NRXN1: variants seen among roughly 807,000 people sequenced by gnomAD.
NRXN1 encodes the protein neurexin 1, also known as neurexin-1.
A neutral mutation model predicts 150.9 loss-of-function variants in NRXN1; 39 were observed. The ratio of observed to expected loss-of-function variants is 0.26; its 90% CI spans 0.20 to 0.34. The LOEUF is 0.34. Among genes scored for constraint, NRXN1 ranks in the 10% least tolerant of loss-of-function variants. The pLI, the probability that NRXN1 is intolerant of heterozygous loss-of-function variation, is 1.00. For synonymous variants in NRXN1, 924 were observed against 757.0 expected, an observed-to-expected ratio of 1.22 and a Z score of -3.62; for missense variants, 1,815 against 1,949.9, an observed-to-expected ratio of 0.93 and a Z score of 1.30.
At chr2:50,921,909 A>C in intron 4 of NRXN1, 29 bp from the exon 5 acceptor site, 1 of 1,379,688 alleles carries the variant, frequency 7.2e-7, no homozygotes, top group Non-Finnish European at 9.7e-7. Context: ...GGGTCCATGA[A>C]GAAAGGGTTT....
chr2:50,358,897 C>T (rs2079000174), intron 17 of NRXN1, among the ~76,000 whole-genome samples: 1 of 152,232 alleles, frequency 6.6e-6, no homozygotes, highest in African/African-American at 2.4e-5. Context: ...CAAGCAGCAA[C>T]CTTTACTGTT....
chr2:50,110,292 C>T (rs1161320590), intron 18 of NRXN1, among the ~76,000 whole-genome samples: 1 of 151,822 alleles, frequency 6.6e-6, no homozygotes, highest in Admixed American at 6.6e-5. Flanking sequence ...AAATCGAGAC[C>T]ATCCTGTCTA....
At chr2:50,939,251 G>GC (rs1332623762) in intron 2 of NRXN1, among the ~76,000 whole-genome samples, 1 of 146,314 alleles carries the variant, frequency 6.8e-6, no homozygotes, top group African/African-American at 2.5e-5. Context: ...AATGTAGGTA[G>GC]CCCCATTAAA....
intron 5 of NRXN1, among the ~76,000 whole-genome samples, chr2:50,877,894 G>A (rs1678847129): frequency 6.6e-6 from 1 of 151,880 alleles, no homozygotes; most frequent in African/African-American, 2.4e-5. Context: ...TTCTGAGATG[G>A]AGCCATATAG....
chr2:50,239,094 T>A (rs1165395318), intron 17 of NRXN1, among the ~76,000 whole-genome samples: 2 of 151,902 alleles, frequency 1.3e-5, no homozygotes, highest in Non-Finnish European at 2.9e-5. Context: ...CCTCAGAAGC[T>A]TGTTCATCAT....
At chr2:50,277,423 TCCTC>T (rs946269986) in intron 17 of NRXN1, among the ~76,000 whole-genome samples, 1 of 149,840 alleles carries the variant, frequency 6.7e-6, no homozygotes, top group Non-Finnish European at 1.5e-5. Flanking sequence ...CTTCCTTCCT[TCCTC>T]CCTCCCTTCC....
chr2:50,422,827 C>T (rs1204898421), intron 17 of NRXN1, among the ~76,000 whole-genome samples: 10 of 152,280 alleles, frequency 6.6e-5, no homozygotes, highest in African/African-American at 2.2e-4. Context: ...AAGGCAGTTA[C>T]GTGGATAAAT....
At chr2:50,152,864 T>C (rs754350450) in intron 18 of NRXN1, among the ~76,000 whole-genome samples, 11 of 151,790 alleles carry the variant, frequency 7.2e-5, no homozygotes, top group Non-Finnish European at 1.5e-4. Flanking sequence ...TATGTTTTCA[T>C]TGAACTTGGG....
At chr2:50,545,380 C>G (rs1275837644) in intron 9 of NRXN1, among the ~76,000 whole-genome samples, 2 of 152,134 alleles carry the variant, frequency 1.3e-5, no homozygotes, top group East Asian at 3.9e-4. Context: ...AGAAGTTCCA[C>G]AGATTTCCAC....
intron 18 of NRXN1, among the ~76,000 whole-genome samples, chr2:50,179,142 T>A (rs73932974): frequency 0.023 from 3,491 of 152,200 alleles, 137 homozygotes; most frequent in African/African-American, 0.08. Flanking sequence ...GTAGGAAACA[T>A]GTCCTAAGAT....
intron 17 of NRXN1, among the ~76,000 whole-genome samples, chr2:50,301,770 C>G (rs2074172714): frequency 6.6e-6 from 1 of 152,142 alleles, no homozygotes; most frequent in Admixed American, 6.5e-5. Flanking sequence ...CATGAAGAAT[C>G]AAGATGAGGC....
At chr2:50,534,099 G>GCACACACACA (rs10544475) in intron 10 of NRXN1, among the ~76,000 whole-genome samples, 2 of 147,116 alleles carry the variant, frequency 1.4e-5, no homozygotes, top group African/African-American at 2.5e-5. Context: ...ATCAATAATT[G>GCACACACACA]CACACACACA....
chr2:50,369,893 G>A (rs567557528), intron 17 of NRXN1, among the ~76,000 whole-genome samples: 3 of 151,994 alleles, frequency 2.0e-5, no homozygotes, highest in Non-Finnish European at 2.9e-5. Flanking sequence ...ATTGGGAGGA[G>A]ACTGTAGTGT....
At chr2:50,899,767 T>C (rs1463926647) in intron 5 of NRXN1, among the ~76,000 whole-genome samples, 9 of 152,174 alleles carry the variant, frequency 5.9e-5, no homozygotes, top group Non-Finnish European at 1.3e-4. Context: ...TAACCCCATG[T>C]TGGTGATGTT....
rs114688632 is a variant in NRXN1, at chr2:50,299,102, T to C, written c.3365-62132A>G. Among the ~76,000 whole-genome samples the C allele has an allele frequency of 3.8e-3, 571 of 152,250 alleles. 1 individual carries two copies. The highest frequency in any genetic ancestry group is 0.013 in the African/African-American group (547 of 41,568). ...GGGCTACATAATCATGTAGACCCTT[T>C]CAGGAAATGGCTTATTTATGGATTT... On this transcript the variant is annotated intron_variant, in intron 17 of 22. Transcript: ENST00000401669.
chr2:50,166,279 A>ATGTGTGTG lies in NRXN1; in HGVS notation c.3546+70502_3546+70509dup, dbSNP rs70946894. Among the ~76,000 whole-genome samples, 222 of 131,592 alleles carry ATGTGTGTG rather than the reference A, an allele frequency of 1.7e-3. 1 individual carries two copies. Among genetic ancestry groups the ATGTGTGTG allele is most frequent in the Non-Finnish European group, 1.6e-3 (101 of 61,538 alleles). The allele number at this position is 131,592 out of a possible 152,430, so 86.3% of individuals were successfully genotyped here. A position where few individuals can be genotyped will look rare whatever the true frequency, so the allele number is the denominator to read the frequency against. Reference sequence around the variant, plus strand: ...CATTTTGGATAGGAGTACTCAACGTATGTGTGTGTGTGTGTGTGTGTGTGT... The same window carrying ATGTGTGTG: ...CATTTTGGATAGGAGTACTCAACGTATGTGTGTGTGTGTGTGTGTGTGTGTGTGTGTGT... On this transcript the variant is annotated intron_variant, in intron 18 of 22. Transcript: ENST00000401669.
At chr2:49,958,541 C>T (rs1387444973) in intron 21 of NRXN1, among the ~76,000 whole-genome samples, 4 of 152,218 alleles carry the variant, frequency 2.6e-5, no homozygotes, top group African/African-American at 9.6e-5. Flanking sequence ...CTCTTCCCTT[C>T]GTTATCATTG....
chr2:49,972,590 G>A (rs978994998), intron 21 of NRXN1: 1 of 152,046 alleles, frequency 6.6e-6, no homozygotes, highest in African/African-American at 2.4e-5. Flanking sequence ...TAATACAATA[G>A]CCTACTGTTA....
At chr2:50,463,348 T>C (rs888410545) in intron 17 of NRXN1, among the ~76,000 whole-genome samples, 25 of 151,860 alleles carry the variant, frequency 1.6e-4, no homozygotes, top group Admixed American at 6.6e-4. Flanking sequence ...AATATTGATT[T>C]GTACCTATGT....
Sources: gnomAD v4.1 joint callset for allele counts (sites outside exome capture counted in the v4.1 genomes callset) on GRCh38, gnomAD v4.1.1 for gene constraint, MANE v1.5 for transcripts, NCBI Gene and HGNC (gene_info 2026-07-23, HGNC 2026-07-21) for gene names.